Variants in LRRC8D observed in about 807,000 individuals in gnomAD.
LRRC8D encodes the protein volume-regulated anion channel subunit LRRC8D.
Under a neutral mutation model 55.8 loss-of-function variants are expected in LRRC8D, and 20 were observed. The ratio of observed to expected loss-of-function variants is 0.36; its 90% CI spans 0.25 to 0.52. The LOEUF (loss-of-function observed/expected upper bound fraction) is 0.52. Among genes scored for constraint, LRRC8D ranks in the 20% least tolerant of loss-of-function variants. The pLI, the probability that LRRC8D is intolerant of heterozygous loss-of-function variation, is 0.93. For missense variants in LRRC8D, 651 were observed against 1,030.8 expected, an observed-to-expected ratio of 0.63 and a Z score of 5.05; for synonymous variants, 352 against 377.0, an observed-to-expected ratio of 0.93 and a Z score of 0.77.
chr1:89,897,518 G>A (rs1557473599), intron 2 of LRRC8D, among the ~76,000 whole-genome samples: 1 of 152,052 alleles, frequency 6.6e-6, no homozygotes, highest in Non-Finnish European at 1.5e-5. Flanking sequence ...ATATTCATGT[G>A]GTGTTTAAAA....
At chr1:89,873,028 T>A (rs1023378174) in intron 2 of LRRC8D, among the ~76,000 whole-genome samples, 1 of 152,224 alleles carries the variant, frequency 6.6e-6, no homozygotes, top group Non-Finnish European at 1.5e-5. Flanking sequence ...CCAGAAAATT[T>A]ACTTATTCTG....
chr1:89,864,597 G>T (rs1481054935), intron 2 of LRRC8D, among the ~76,000 whole-genome samples: 2 of 152,082 alleles, frequency 1.3e-5, no homozygotes, highest in African/African-American at 4.8e-5. Flanking sequence ...TGCCTGGACT[G>T]CTGCAGCTGC....
At chr1:89,827,343 C>T (rs1253653843) in intron 1 of LRRC8D, among the ~76,000 whole-genome samples, 2 of 105,064 alleles carry the variant, frequency 1.9e-5, no homozygotes, top group African/African-American at 7.1e-5. Context: ...GAGACTGTCT[C>T]AAAAAAAAAA....
At chr1:89,930,055 T>A (rs571661322) in intron 2 of LRRC8D, among the ~76,000 whole-genome samples, 59 of 152,306 alleles carry the variant, frequency 3.9e-4, no homozygotes, top group African/African-American at 1.4e-3. Context: ...TGAAACAGTT[T>A]CATCCCAAAA....
chr1:89,831,512 A>T (rs1304674249), intron 1 of LRRC8D, among the ~76,000 whole-genome samples: 2 of 152,142 alleles, frequency 1.3e-5, no homozygotes, highest in Admixed American at 6.5e-5. Context: ...GAGTTGAGTA[A>T]AGAGATCATC....
chr1:89,895,416 G>A (rs1481317843), intron 2 of LRRC8D, among the ~76,000 whole-genome samples: 1 of 152,124 alleles, frequency 6.6e-6, no homozygotes, highest in African/African-American at 2.4e-5. Context: ...TCAAATATCT[G>A]CTTAATTTCA....
At chr1:89,834,039 C>T (rs1480886187) in intron 1 of LRRC8D, among the ~76,000 whole-genome samples, 1 of 152,044 alleles carries the variant, frequency 6.6e-6, no homozygotes, top group African/African-American at 2.4e-5. Context: ...AAGCAAACAG[C>T]CAAGCTAGAG....
chr1:89,886,145 C>T (rs921754823), intron 2 of LRRC8D, among the ~76,000 whole-genome samples: 1 of 152,122 alleles, frequency 6.6e-6, no homozygotes, highest in African/African-American at 2.4e-5. Context: ...AATTTTTCCT[C>T]CCATTTTTAA....
In LRRC8D at chr1:89,918,880, A is replaced by G. The variant is rs183391601; in HGVS notation, c.-2-14187A>G. ...TTTTCTCACTGCCAGTATTTGGTTCAGGTTGGGTGCCTTCTGAGCACCCTT... is the reference window on the plus strand; with the variant it reads ...TTTTCTCACTGCCAGTATTTGGTTCGGGTTGGGTGCCTTCTGAGCACCCTT... On this transcript the variant is annotated intron_variant, in intron 2 of 2. Transcript: ENST00000337338. 2.0e-3 allele frequency among the ~76,000 whole-genome samples: 302 copies of G among 152,336 alleles called. 3 individuals are homozygous for G. Among genetic ancestry groups the G allele is most frequent in the African/African-American group, 7.0e-3 (291 of 41,578 alleles).
intron 2 of LRRC8D, among the ~76,000 whole-genome samples, chr1:89,874,441 A>C (rs1471615313): frequency 9.5e-6 from 1 of 105,774 alleles, no homozygotes. Flanking sequence ...GTAAGAAACT[A>C]TTTGTGTGTG....
intron 1 of LRRC8D, 123 bp downstream of exon 1, chr1:89,821,414 G>A (rs1042781851): frequency 6.6e-6 from 1 of 152,180 alleles, no homozygotes; most frequent in African/African-American, 2.4e-5. Flanking sequence ...CTGCGGTTGC[G>A]GCCGGGAACT....
chr1:89,869,729 A>G (rs1661947531), intron 2 of LRRC8D, among the ~76,000 whole-genome samples: 1 of 152,202 alleles, frequency 6.6e-6, no homozygotes, highest in Admixed American at 6.5e-5. Flanking sequence ...GTTACCCACA[A>G]AGGGAAGCCC....
chr1:89,831,008 C>T (rs1234593872), intron 1 of LRRC8D, among the ~76,000 whole-genome samples: 4 of 150,426 alleles, frequency 2.7e-5, no homozygotes, highest in African/African-American at 7.4e-5. Flanking sequence ...CGGGTTCAAG[C>T]GATTCTCCTA....
intron 2 of LRRC8D, among the ~76,000 whole-genome samples, chr1:89,887,677 C>G (rs1662457572): frequency 6.6e-6 from 1 of 152,094 alleles, no homozygotes; most frequent in Non-Finnish European, 1.5e-5. Context: ...GTTTGGCCCA[C>G]CTTTCAGCCT....
chr1:89,839,493 T>C (rs1661080499), intron 1 of LRRC8D, among the ~76,000 whole-genome samples: 1 of 152,210 alleles, frequency 6.6e-6, no homozygotes, highest in African/African-American at 2.4e-5. Context: ...CATATTTTTT[T>C]TTAAACATGA....
At chr1:89,886,148 A>G (rs1662413241) in intron 2 of LRRC8D, among the ~76,000 whole-genome samples, 1 of 152,096 alleles carries the variant, frequency 6.6e-6, no homozygotes, top group African/African-American at 2.4e-5. Flanking sequence ...TTTTCCTCCC[A>G]TTTTTAAGAG....
intron 2 of LRRC8D, among the ~76,000 whole-genome samples, chr1:89,914,299 C>T (rs1430460311): frequency 2.6e-5 from 4 of 152,312 alleles, no homozygotes; most frequent in South Asian, 2.1e-4. Context: ...CCAGCTGGCC[C>T]GCAAGCACAG....
rs575831381 is a variant in LRRC8D at position 89,860,081 on chromosome 1, T to C, written c.-3+16299T>C. Among the ~76,000 whole-genome samples, 15 of 152,332 alleles carry C rather than the reference T, an allele frequency of 9.8e-5. 1 individual carries two copies. The South Asian group carries it at 1.7e-3, about 17-fold the overall frequency. On this transcript the variant is annotated intron_variant, in intron 2 of 2. Transcript: ENST00000337338. ...TTATGGATGGGGCCTAAAAGCCAGA[T>C]AGTTTGTTTGACTTGAAGGTCACTG...
intron 2 of LRRC8D, among the ~76,000 whole-genome samples, chr1:89,915,312 A>G (rs1663238611): frequency 6.6e-6 from 1 of 152,346 alleles, no homozygotes; most frequent in Non-Finnish European, 1.5e-5. Context: ...ATTGTGGTCC[A>G]TCAACACATT....
Sources: gnomAD v4.1 joint callset for allele counts (sites outside exome capture counted in the v4.1 genomes callset) on GRCh38, gnomAD v4.1.1 for gene constraint, MANE v1.5 for transcripts, NCBI Gene and HGNC (gene_info 2026-07-23, HGNC 2026-07-21) for gene names.